The following ATP2B1 variants were observed in gnomAD, a reference collection of about 807,000 sequenced individuals.
ATP2B1 encodes the protein plasma membrane calcium-transporting ATPase 1.
Under a neutral mutation model 124.2 loss-of-function variants are expected in ATP2B1, and 14 were observed. The observed-to-expected ratio is 0.11, with a 90% confidence interval of 0.07 to 0.18. The LOEUF (loss-of-function observed/expected upper bound fraction) is 0.18, where lower values mean the gene tolerates loss of function less well. Ranked by LOEUF, ATP2B1 falls within the 10% of genes least tolerant of loss-of-function variation. The pLI is 1.00. For synonymous variants in ATP2B1, 449 were observed against 492.4 expected, an observed-to-expected ratio of 0.91 and a Z score of 1.17; for missense variants, 763 against 1,466.1, an observed-to-expected ratio of 0.52 and a Z score of 7.83.
intron 19 of ATP2B1, among the ~76,000 whole-genome samples, chr12:89,601,104 T>A (rs376098432): frequency 6.6e-6 from 1 of 151,888 alleles, no homozygotes; most frequent in East Asian, 1.9e-4. Flanking sequence ...AAAAAACACA[T>A]AAAAAGTTAG....
At chr12:89,669,001 T>C (rs535810071) in intron 1 of ATP2B1, among the ~76,000 whole-genome samples, 62 of 152,238 alleles carry the variant, frequency 4.1e-4, no homozygotes, top group African/African-American at 1.4e-3. Flanking sequence ...AATTAAAATA[T>C]GTATCTGTGC....
chr12:89,598,819 T>C, intron 20 of ATP2B1: 1 of 1,550,154 alleles, frequency 6.5e-7, no homozygotes, highest in Non-Finnish European at 8.8e-7. Flanking sequence ...ATTCCATCTA[T>C]CAACATATAA....
At chr12:89,662,515 T>G (rs1486636372) in intron 1 of ATP2B1, among the ~76,000 whole-genome samples, 2 of 152,164 alleles carry the variant, frequency 1.3e-5, no homozygotes, top group Non-Finnish European at 2.9e-5. Context: ...CAAGTCACAT[T>G]TTTCACTTCT....
At position 89,636,126 on chromosome 12, in the gene ATP2B1, G is replaced by C. The variant is rs191017948; in HGVS notation, c.407-875C>G. ...CATGACATTTGAGCTACCAAATATT[G>C]GTAGAGAACCAGCCATCTAAGAAAA... On this transcript the variant is annotated intron_variant, in intron 3 of 20. Transcript: ENST00000428670. Among the ~76,000 whole-genome samples, 286 of 152,028 alleles carry C rather than the reference G, an allele frequency of 1.9e-3. 5 individuals are homozygous for C. Among genetic ancestry groups the C allele is most frequent in the Admixed American group, 0.017 (261 of 15,228 alleles).
chr12:89,615,356 C>G (rs1226344647), intron 12 of ATP2B1, among the ~76,000 whole-genome samples: 1 of 152,022 alleles, frequency 6.6e-6, no homozygotes, highest in Non-Finnish European at 1.5e-5. Flanking sequence ...GATATGCCAC[C>G]CTGCCACCCA....
intron 1 of ATP2B1, among the ~76,000 whole-genome samples, chr12:89,687,453 G>T (rs1022311721): frequency 2.0e-5 from 3 of 152,072 alleles, no homozygotes; most frequent in Non-Finnish European, 4.4e-5. Context: ...TATATGGGAG[G>T]ATGTGTGTAG....
intron 1 of ATP2B1, among the ~76,000 whole-genome samples, chr12:89,697,294 A>G (rs895567470): frequency 9.9e-5 from 15 of 152,178 alleles, no homozygotes; most frequent in African/African-American, 1.4e-4. Flanking sequence ...GGAAGACTCA[A>G]GAAACCAAAT....
intron 12 of ATP2B1, 60 bp downstream of exon 12, chr12:89,616,742 G>A: frequency 6.7e-7 from 1 of 1,485,928 alleles, no homozygotes; most frequent in Non-Finnish European, 9.3e-7. Flanking sequence ...TTACAATTAA[G>A]GCCTAGGTCC....
At chr12:89,698,956 A>G (rs1189280843) in intron 1 of ATP2B1, among the ~76,000 whole-genome samples, 1 of 152,200 alleles carries the variant, frequency 6.6e-6, no homozygotes, top group East Asian at 1.9e-4. Flanking sequence ...TTCTCCAGAA[A>G]GCAAGCTTCC....
chr12:89,590,929 C>T lies in ATP2B1; in HGVS notation c.*55G>A. ...GTCCATCACAATATGTGAAAAGACC[C>T]AGTTTCAATTTGTTTCTTTACAATG... On this transcript the variant is annotated 3_prime_UTR_variant, in exon 21 of 21. Transcript: ENST00000428670. 6.6e-7 allele frequency: 1 copy of T among 1,512,996 alleles called. No homozygotes were observed. The highest frequency in any genetic ancestry group is 9.0e-7 in the Non-Finnish European group (1 of 1,107,206). 93.7% of individuals were successfully genotyped at this position (1,512,996 alleles called of 1,614,324 possible).
At chr12:89,708,324 T>C (rs1335705546) in intron 1 of ATP2B1, among the ~76,000 whole-genome samples, 2 of 151,984 alleles carry the variant, frequency 1.3e-5, no homozygotes, top group Non-Finnish European at 1.5e-5. Context: ...ACAAGCCCCA[T>C]CCCTCGGGCC....
chr12:89,707,161 A>G (rs1593038923), intron 1 of ATP2B1, among the ~76,000 whole-genome samples: 1 of 152,000 alleles, frequency 6.6e-6, no homozygotes, highest in African/African-American at 2.4e-5. Context: ...CCCCCAATCC[A>G]CCCCTGCCAC....
intron 1 of ATP2B1, among the ~76,000 whole-genome samples, chr12:89,684,125 A>G (rs561649069): frequency 6.6e-6 from 1 of 152,276 alleles, no homozygotes; most frequent in African/African-American, 2.4e-5. Flanking sequence ...AAATAAGAAA[A>G]CATACATGTC....
Position 89,679,938 on chromosome 12 carries a change from T to C in ATP2B1, c.-221-23831A>G, listed in dbSNP as rs988346903. Reference sequence around the variant, plus strand: ...AGAAGGGAGGTGTCCCTTGGAGATATGGCAGTAAAGGAAAAGAAGAGAAAA... The same window carrying C: ...AGAAGGGAGGTGTCCCTTGGAGATACGGCAGTAAAGGAAAAGAAGAGAAAA... On this transcript the variant is annotated intron_variant, in intron 1 of 20. Transcript: ENST00000428670. Among the ~76,000 whole-genome samples the C allele has an allele frequency of 1.6e-4, 24 of 152,148 alleles. No individual in the cohort carries two copies. The East Asian group carries it at 4.4e-3, about 28-fold the overall frequency.
At chr12:89,609,070 G>C (rs1302613821) in intron 15 of ATP2B1, among the ~76,000 whole-genome samples, 1 of 152,080 alleles carries the variant, frequency 6.6e-6, no homozygotes, top group Non-Finnish European at 1.5e-5. Flanking sequence ...ATATCAGGGG[G>C]ACAAATTATG....
chr12:89,597,245 T>A (rs1874795967), intron 20 of ATP2B1, among the ~76,000 whole-genome samples: 1 of 152,124 alleles, frequency 6.6e-6, no homozygotes. Context: ...ATTTTTATTG[T>A]ATCAGGCCTA....
intron 9 of ATP2B1, among the ~76,000 whole-genome samples, chr12:89,622,647 AT>A (rs1880184922): frequency 6.6e-6 from 1 of 152,126 alleles, no homozygotes; most frequent in Non-Finnish European, 1.5e-5. Context: ...TGAAAAACGG[AT>A]GTGTATTTCC....
chr12:89,620,311 G>T, intron 10 of ATP2B1, 71 bp from the exon 11 acceptor site: 1 of 1,507,154 alleles, frequency 6.6e-7, no homozygotes, highest in South Asian at 1.2e-5. Context: ...ATGTAAAACA[G>T]ACTGCGATAT....
At chr12:89,659,871 G>A (rs1412185618) in intron 1 of ATP2B1, among the ~76,000 whole-genome samples, 12 of 149,288 alleles carry the variant, frequency 8.0e-5, no homozygotes, top group Non-Finnish European at 1.5e-4. Flanking sequence ...TGCAGTGAGC[G>A]GAGATCGCGC....
Sources: gnomAD v4.1 joint callset for allele counts (sites outside exome capture counted in the v4.1 genomes callset) on GRCh38, gnomAD v4.1.1 for gene constraint, MANE v1.5 for transcripts, NCBI Gene and HGNC (gene_info 2026-07-23, HGNC 2026-07-21) for gene names.